NEGR1: variants seen among roughly 807,000 people sequenced by gnomAD.
The protein encoded by NEGR1 is IgLON family member 4.
NEGR1 carries 10 observed loss-of-function variants against 40.9 expected under a neutral mutation model. The observed-to-expected ratio is 0.24, with a 90% CI of 0.15 to 0.42. The LOEUF is 0.42. Ranked by LOEUF, NEGR1 falls within the 10% of genes least tolerant of loss-of-function variation. The pLI is 1.00. For synonymous variants in NEGR1, 185 were observed against 166.8 expected, an observed-to-expected ratio of 1.11 and a Z score of -0.84; for missense variants, 352 against 438.9, an observed-to-expected ratio of 0.80 and a Z score of 1.77.
At chr1:71,629,517 G>T (rs182201427) in intron 4 of NEGR1, among the ~76,000 whole-genome samples, 5 of 152,112 alleles carry the variant, frequency 3.3e-5, no homozygotes, top group Non-Finnish European at 7.4e-5. Flanking sequence ...GTTCACTCAT[G>T]ATTCGGCTTT....
At chr1:71,828,131 G>C (rs1405212102) in intron 2 of NEGR1, among the ~76,000 whole-genome samples, 3 of 151,830 alleles carry the variant, frequency 2.0e-5, no homozygotes, top group African/African-American at 7.3e-5. Context: ...TGAATATTTT[G>C]GGGTAATGGG....
At chr1:71,677,385 G>C (rs1331849368) in intron 4 of NEGR1, among the ~76,000 whole-genome samples, 1 of 151,944 alleles carries the variant, frequency 6.6e-6, no homozygotes, top group Non-Finnish European at 1.5e-5. Context: ...TCATAGCACT[G>C]TCAAATGATT....
At chr1:71,984,655 TGTA>T (rs1297108952) in intron 1 of NEGR1, among the ~76,000 whole-genome samples, 9 of 152,192 alleles carry the variant, frequency 5.9e-5, no homozygotes, top group African/African-American at 2.2e-4. Context: ...CTCATATAGT[TGTA>T]GTGAGAAATA....
In NEGR1 at chr1:71,498,690, C is replaced by A. The variant is rs551748981; in HGVS notation, c.941-91120G>T. Among the ~76,000 whole-genome samples the A allele has an allele frequency of 1.4e-3, 206 of 152,190 alleles. 2 individuals carry two copies. The highest frequency in any genetic ancestry group is 2.1e-3 in the Non-Finnish European group (142 of 68,004). ...CAGATCCCCTTGCTTCCATTTTTTT[C>A]TGCTCACTGGGTATAGCCAGTCATT... On this transcript the variant is annotated intron_variant, in intron 6 of 6. Coordinates refer to ENST00000357731, the MANE Select transcript of NEGR1 (RefSeq NM_173808.3).
Position 71,459,467 on chromosome 1 carries a change from A to C in NEGR1, c.941-51897T>G, listed in dbSNP as rs534761309. Among the ~76,000 whole-genome samples the C allele has an allele frequency of 3.9e-5, 6 of 152,244 alleles. 1 individual carries two copies. The East Asian group carries it at 1.2e-3, about 29-fold the overall frequency. ...TTTGAAGACTTTCTGCTGCCCATCA[A>C]CTTGGGCTGGCATTTAAATCCCCTG... On this transcript the variant is annotated intron_variant, in intron 6 of 6. Coordinates refer to ENST00000357731, the MANE Select transcript of NEGR1 (RefSeq NM_173808.3).
chr1:71,613,812 G>A (rs1481959853), intron 4 of NEGR1, among the ~76,000 whole-genome samples: 1 of 152,020 alleles, frequency 6.6e-6, no homozygotes, highest in Non-Finnish European at 1.5e-5. Flanking sequence ...GAATCTTGAA[G>A]ATACAAAAAC....
chr1:71,506,553 A>G (rs996334097), intron 6 of NEGR1, among the ~76,000 whole-genome samples: 1 of 152,180 alleles, frequency 6.6e-6, no homozygotes, highest in Non-Finnish European at 1.5e-5. Flanking sequence ...AGTGGTTAAC[A>G]TATTCTCAGA....
chr1:71,524,513 A>G (rs1647194194), intron 6 of NEGR1, among the ~76,000 whole-genome samples: 1 of 151,744 alleles, frequency 6.6e-6, no homozygotes, highest in South Asian at 2.1e-4. Context: ...TACTCTAACA[A>G]AATTCATTAC....
chr1:72,197,777 A>C (rs1384660616), intron 1 of NEGR1, among the ~76,000 whole-genome samples: 2 of 152,072 alleles, frequency 1.3e-5, no homozygotes, highest in Non-Finnish European at 2.9e-5. Flanking sequence ...ATAAATTAAA[A>C]TATATTGCCA....
intron 1 of NEGR1, among the ~76,000 whole-genome samples, chr1:72,220,602 G>T (rs1457107326): frequency 1.3e-5 from 2 of 151,998 alleles, no homozygotes; most frequent in Non-Finnish European, 2.9e-5. Flanking sequence ...AACCAAATTT[G>T]TGATATAGTA....
intron 6 of NEGR1, among the ~76,000 whole-genome samples, chr1:71,588,153 A>G (rs1649369642): frequency 1.3e-5 from 2 of 152,124 alleles, no homozygotes; most frequent in South Asian, 2.1e-4. Flanking sequence ...GAACCCATAG[A>G]TGGCAGGATG....
chr1:71,606,645 G>T (rs1016902100), intron 5 of NEGR1, among the ~76,000 whole-genome samples: 1 of 152,042 alleles, frequency 6.6e-6, no homozygotes, highest in Admixed American at 6.6e-5. Flanking sequence ...GAAGTCCCTT[G>T]TGTCTCAGTT....
intron 6 of NEGR1, among the ~76,000 whole-genome samples, chr1:71,530,686 T>A (rs2101443331): frequency 6.6e-6 from 1 of 151,478 alleles, no homozygotes; most frequent in South Asian, 2.1e-4. Flanking sequence ...TTTTAGACTA[T>A]TTTTCACACA....
At chr1:71,462,204 A>G (rs1420712147) in intron 6 of NEGR1, among the ~76,000 whole-genome samples, 2 of 152,132 alleles carry the variant, frequency 1.3e-5, no homozygotes, top group African/African-American at 2.4e-5. Flanking sequence ...ATAGTGTGAA[A>G]CCTCTAATTG....
intron 1 of NEGR1, among the ~76,000 whole-genome samples, chr1:72,198,837 T>C (rs1653094826): frequency 6.6e-6 from 1 of 152,004 alleles, no homozygotes; most frequent in South Asian, 2.1e-4. Context: ...AAATAAGTTT[T>C]CCTTATTTTT....
chr1:71,802,526 T>G (rs764540289), intron 2 of NEGR1, among the ~76,000 whole-genome samples: 1 of 152,180 alleles, frequency 6.6e-6, no homozygotes, highest in Non-Finnish European at 1.5e-5. Context: ...TATTTACTTC[T>G]CAGAGAGGGT....
intron 2 of NEGR1, among the ~76,000 whole-genome samples, chr1:71,912,147 T>C (rs1436590322): frequency 6.6e-6 from 1 of 152,158 alleles, no homozygotes; most frequent in Non-Finnish European, 1.5e-5. Flanking sequence ...AGTCCAATAG[T>C]AGTCCTACAG....
chr1:71,822,750 T>C (rs1658477097), intron 2 of NEGR1, among the ~76,000 whole-genome samples: 1 of 152,000 alleles, frequency 6.6e-6, no homozygotes, highest in African/African-American at 2.4e-5. Flanking sequence ...AGTTCCACTA[T>C]TAAAGGCTCA....
chr1:71,567,029 A>G (rs747945798), intron 6 of NEGR1, among the ~76,000 whole-genome samples: 1 of 152,156 alleles, frequency 6.6e-6, no homozygotes, highest in Non-Finnish European at 1.5e-5. Flanking sequence ...ATTTCAACAT[A>G]TGAATTTTGA....
Sources: gnomAD v4.1 joint callset for allele counts (sites outside exome capture counted in the v4.1 genomes callset) on GRCh38, gnomAD v4.1.1 for gene constraint, MANE v1.5 for transcripts, NCBI Gene and HGNC (gene_info 2026-07-23, HGNC 2026-07-21) for gene names.